The following PUDP variants were observed in gnomAD, a reference collection of about 807,000 sequenced individuals.
PUDP encodes pseudouridine-5'-phosphatase.
Under a neutral mutation model 9.4 loss-of-function variants are expected in PUDP, and 8 were observed. The ratio of observed to expected loss-of-function variants is 0.85; its 90% CI spans 0.50 to 1.53. The LOEUF (loss-of-function observed/expected upper bound fraction) is 1.53. Ranked by LOEUF, PUDP falls within the 40% of genes most tolerant of loss-of-function variation. PUDP has a pLI of 0.00. For missense variants in PUDP, 188 were observed against 189.7 expected (o/e 0.99, Z 0.05); for synonymous variants, 99 against 80.7 (o/e 1.23, Z -1.22).
At chrX:7,039,526 AGAG>A (rs1929894311) in intron 1 of PUDP, among the ~76,000 whole-genome samples, 1 of 111,451 alleles carries the variant, frequency 9.0e-6, no homozygotes, top group Non-Finnish European at 1.9e-5. Flanking sequence ...CCTTACAAGA[AGAG>A]GAGATGAGGA....
Position 7,126,177 on chromosome X carries a change from A to G in PUDP, c.62-20339T>C, listed in dbSNP as rs778503541. 4.5e-5 allele frequency among the ~76,000 whole-genome samples: 5 copies of G among 112,173 alleles called. No individual in the cohort carries two copies. The East Asian group carries it at 1.4e-3, about 32-fold the overall frequency. On this transcript the variant is annotated intron_variant, in intron 1 of 3. Transcript: ENST00000381077. ...AAAGACACATGAGTGACCATGTCACAGGAATATTTCTTTAGCTGTTATGCT... is the reference window on the plus strand; with the variant it reads ...AAAGACACATGAGTGACCATGTCACGGGAATATTTCTTTAGCTGTTATGCT...
chrX:7,027,145 A>G (rs1234101791), intron 1 of PUDP, among the ~76,000 whole-genome samples: 1 of 111,292 alleles, frequency 9.0e-6, no homozygotes, highest in Non-Finnish European at 1.9e-5. Context: ...TAGCTTGCAC[A>G]GCGTCTCATG....
At chrX:6,780,248 CATAT>C (rs1260466952) in intron 3 of PUDP, among the ~76,000 whole-genome samples, 3 of 108,997 alleles carry the variant, frequency 2.8e-5, no homozygotes, top group Non-Finnish European at 3.8e-5. Context: ...TGTGTATATA[CATAT>C]ATACACACAC....
At position 7,061,302 on chromosome X, in the gene PUDP, T is replaced by C. The variant is rs766716225; in HGVS notation, c.511-10830A>G. Among the ~76,000 whole-genome samples the C allele has an allele frequency of 1.4e-4, 16 of 111,886 alleles. No individual in the cohort carries two copies. In the South Asian group the frequency reaches 1.9e-3, roughly 13 times the overall value. On this transcript the variant is annotated intron_variant, in intron 3 of 3. Coordinates refer to ENST00000381077, the MANE Select transcript of PUDP (RefSeq NM_012080.5). The stretch of plus-strand genomic sequence containing the variant: ...AGTCTATCCCCATAACATGTTATAA[T>C]AACACAGATACACTATATTTTTCTG...
chrX:6,906,269 G>A (rs1407947171), intron 3 of PUDP, among the ~76,000 whole-genome samples: 7 of 110,321 alleles, frequency 6.3e-5, no homozygotes, highest in Non-Finnish European at 9.5e-5. Flanking sequence ...CATAAGACAC[G>A]AAATAATTGA....
chrX:6,910,242 G>T (rs1233572679), intron 3 of PUDP, among the ~76,000 whole-genome samples: 1 of 112,003 alleles, frequency 8.9e-6, no homozygotes, highest in Non-Finnish European at 1.9e-5. Context: ...TGCTCAGCCT[G>T]GGATTAATGC....
At chrX:6,903,678 T>A (rs1313627537) in intron 3 of PUDP, among the ~76,000 whole-genome samples, 1 of 111,155 alleles carries the variant, frequency 9.0e-6, no homozygotes, top group Non-Finnish European at 1.9e-5. Context: ...CTTAAGGGAA[T>A]TAACTCTAAA....
At position 7,102,709 on chromosome X, in the gene PUDP, A is replaced by C. The variant is rs188765584; in HGVS notation, c.280+2911T>G. ...ACAATTCAACATATTAAAAAAAAAA[A>C]CCCAATTGTTAGAACCAATAAGCCA... On this transcript the variant is annotated intron_variant, in intron 2 of 3. Transcript: ENST00000381077. Among the ~76,000 whole-genome samples the C allele has an allele frequency of 1.0e-3, 111 of 111,277 alleles. No homozygotes were observed. The East Asian group carries it at 0.03, about 30-fold the overall frequency.
At chrX:6,834,018 C>T (rs891356164) in intron 3 of PUDP, among the ~76,000 whole-genome samples, 3 of 111,701 alleles carry the variant, frequency 2.7e-5, no homozygotes, top group African/African-American at 6.5e-5. Context: ...TTGTACATTA[C>T]ATTTTAAGAA....
intron 3 of PUDP, among the ~76,000 whole-genome samples, chrX:6,961,417 T>C (rs1050162128): frequency 9.0e-6 from 1 of 110,866 alleles, no homozygotes; most frequent in African/African-American, 3.3e-5. Context: ...AGACTACCCA[T>C]GTGTTGGTGT....
chrX:7,046,327 T>C (rs1333923938), downstream of PUDP, among the ~76,000 whole-genome samples: 2 of 111,846 alleles, frequency 1.8e-5, no homozygotes, highest in Non-Finnish European at 3.8e-5. Flanking sequence ...AGGACAACCA[T>C]GTGAGGACAC....
At chrX:6,930,556 C>A (rs1265269564) in intron 3 of PUDP, among the ~76,000 whole-genome samples, 2 of 111,560 alleles carry the variant, frequency 1.8e-5, no homozygotes, top group African/African-American at 6.5e-5. Context: ...GAAAACCCCA[C>A]CCCCTTCCCA....
intron 1 of PUDP, among the ~76,000 whole-genome samples, chrX:7,115,516 T>C (rs1932169754): frequency 8.9e-6 from 1 of 112,264 alleles, no homozygotes; most frequent in Admixed American, 9.4e-5. Flanking sequence ...AGCACAGCAA[T>C]CCTAAAAACT....
intron 1 of PUDP, among the ~76,000 whole-genome samples, chrX:6,986,839 G>A (rs1348675548): frequency 2.7e-5 from 3 of 112,195 alleles, no homozygotes; most frequent in Non-Finnish European, 5.6e-5. Context: ...TTTTAGAGGT[G>A]TCAGAAGAAA....
intron 3 of PUDP, among the ~76,000 whole-genome samples, chrX:6,820,287 A>G (rs1926320163): frequency 9.0e-6 from 1 of 110,800 alleles, no homozygotes; most frequent in Admixed American, 9.6e-5. Flanking sequence ...GGGAGATACA[A>G]TTCAAGCTGA....
intron 2 of PUDP, among the ~76,000 whole-genome samples, chrX:7,081,164 A>G (rs2051946749): frequency 9.0e-6 from 1 of 111,682 alleles, no homozygotes; most frequent in South Asian, 3.8e-4. Flanking sequence ...AGATTATTTT[A>G]TTATTATTGT....
intron 3 of PUDP, among the ~76,000 whole-genome samples, chrX:6,761,608 G>GCAGC (rs756653559): frequency 3.1e-4 from 35 of 111,784 alleles, no homozygotes; most frequent in Non-Finnish European, 6.4e-4. Flanking sequence ...TCAGTGAAGA[G>GCAGC]CAGCCATGCA....
chrX:6,758,575 G>A (rs762136942), intron 3 of PUDP, among the ~76,000 whole-genome samples: 1 of 111,823 alleles, frequency 8.9e-6, no homozygotes, highest in East Asian at 2.8e-4. Flanking sequence ...GGTAATATTA[G>A]ATGATGGGCT....
Position 6,750,512 on chromosome X carries a change from C to G in PUDP, c.*248-44046G>C, listed in dbSNP as rs896619263. 8.1e-5 allele frequency among the ~76,000 whole-genome samples: 9 copies of G among 111,230 alleles called. No individual in the cohort carries two copies. The Admixed American group carries it at 8.6e-4, about 11-fold the overall frequency. On this transcript the variant is annotated intron_variant and NMD_transcript_variant, in intron 3 of 3. Transcript: ENST00000655425. ...CGCACACTGCTTAAAGATTTTCTCA[C>G]TTCAGGTGCTCGGTGTATGTTGCTG...
Sources: gnomAD v4.1 joint callset for allele counts (sites outside exome capture counted in the v4.1 genomes callset) on GRCh38, gnomAD v4.1.1 for gene constraint, MANE v1.5 for transcripts, NCBI Gene and HGNC (gene_info 2026-07-23, HGNC 2026-07-21) for gene names.